Variants in GALNT13 observed in about 807,000 individuals in gnomAD.
The protein encoded by GALNT13 is polypeptide N-acetylgalactosaminyltransferase 13.
GALNT13 carries 28 observed loss-of-function variants against 64.2 expected under a neutral mutation model. That is an observed-to-expected ratio of 0.44 (90% CI 0.32 to 0.60). The LOEUF (loss-of-function observed/expected upper bound fraction) is 0.60, where lower values mean the gene tolerates loss of function less well. GALNT13 is among the 20% of genes least tolerant of loss of function. GALNT13 has a pLI of 0.05. For synonymous variants in GALNT13, 214 were observed against 224.6 expected (o/e 0.95, Z 0.42); for missense variants, 577 against 669.8 (o/e 0.86, Z 1.53).
At chr2:154,061,899 G>A (rs1026115337) in intron 3 of GALNT13, among the ~76,000 whole-genome samples, 2 of 152,130 alleles carry the variant, frequency 1.3e-5, no homozygotes, top group Non-Finnish European at 2.9e-5. Context: ...CTCACTAAGA[G>A]TATATGTGTA....
chr2:154,389,927 G>A (rs910649396), intron 9 of GALNT13, among the ~76,000 whole-genome samples: 3 of 152,160 alleles, frequency 2.0e-5, no homozygotes, highest in African/African-American at 7.2e-5. Context: ...GGGGTCTGGT[G>A]TCTCACTGTC....
the GALNT13 span, among the ~76,000 whole-genome samples, chr2:153,373,865 T>C: frequency 6.6e-6 from 1 of 152,246 alleles, no homozygotes; most frequent in African/African-American, 2.4e-5. Context: ...AGCATTTGTC[T>C]ATTTGTCCTT....
At chr2:153,328,971 G>A in the GALNT13 span, among the ~76,000 whole-genome samples, 4 of 152,140 alleles carry the variant, frequency 2.6e-5, no homozygotes, top group Admixed American at 6.5e-5. Context: ...TCTGCGAGTT[G>A]CAAAGACCGT....
At chr2:154,049,057 G>A (rs1192168175) in intron 3 of GALNT13, among the ~76,000 whole-genome samples, 1 of 152,004 alleles carries the variant, frequency 6.6e-6, no homozygotes, top group Non-Finnish European at 1.5e-5. Flanking sequence ...AAATAAGTAT[G>A]CTTGCATAAA....
intron 1 of GALNT13, among the ~76,000 whole-genome samples, chr2:153,884,853 A>G (rs1218595368): frequency 3.2e-5 from 2 of 62,964 alleles, no homozygotes; most frequent in Admixed American, 2.4e-4. Context: ...GTATATATGT[A>G]TATACACACA....
At chr2:153,630,850 T>C in the GALNT13 span, among the ~76,000 whole-genome samples, 1 of 111,616 alleles carries the variant, frequency 9.0e-6, no homozygotes, top group Admixed American at 1.0e-4. Flanking sequence ...CTAGGGTACA[T>C]GTGCACAACG....
the GALNT13 span, among the ~76,000 whole-genome samples, chr2:153,755,602 C>A: frequency 6.6e-6 from 1 of 152,014 alleles, no homozygotes; most frequent in African/African-American, 2.4e-5. Context: ...ATGTTGTTTT[C>A]TTTCTATAGA....
At chr2:154,394,671 T>G (rs1698974511) in intron 9 of GALNT13, among the ~76,000 whole-genome samples, 1 of 152,250 alleles carries the variant, frequency 6.6e-6, no homozygotes, top group African/African-American at 2.4e-5. Flanking sequence ...AATACTAAAT[T>G]GTTTTGAGCT....
At chr2:153,630,406 A>G in the GALNT13 span, among the ~76,000 whole-genome samples, 2 of 149,464 alleles carry the variant, frequency 1.3e-5, no homozygotes, top group East Asian at 4.1e-4. Flanking sequence ...GGACAAAAAA[A>G]CAAACACCGC....
At chr2:154,265,877 C>G (rs1379496881) in intron 8 of GALNT13, among the ~76,000 whole-genome samples, 1 of 152,032 alleles carries the variant, frequency 6.6e-6, no homozygotes, top group Non-Finnish European at 1.5e-5. Flanking sequence ...ATAAAATTAG[C>G]AAATCAAGTT....
At chr2:154,149,753 C>T (rs1355826363) in intron 4 of GALNT13, among the ~76,000 whole-genome samples, 3 of 152,118 alleles carry the variant, frequency 2.0e-5, no homozygotes, top group Admixed American at 6.6e-5. Flanking sequence ...TATAAGAATG[C>T]TCATGATTTT....
the GALNT13 span, among the ~76,000 whole-genome samples, chr2:153,176,104 G>C: frequency 6.6e-6 from 1 of 152,158 alleles, no homozygotes; most frequent in Non-Finnish European, 1.5e-5. Flanking sequence ...TGAATGTTGT[G>C]AAATATTTCA....
At chr2:153,117,673 T>C in the GALNT13 span, among the ~76,000 whole-genome samples, 1 of 152,206 alleles carries the variant, frequency 6.6e-6, no homozygotes, top group African/African-American at 2.4e-5. Context: ...TACTTACATG[T>C]TGATGTCTCC....
Position 154,426,633 on chromosome 2 carries a change from T to G in GALNT13, c.1396-11959T>G, listed in dbSNP as rs552570025. ...ACTGCAATAGTAAAATATAAGCATC[T>G]GGAGCATGTTTATAAATTAGATTTC... On this transcript the variant is annotated intron_variant, in intron 11 of 12. Transcript: ENST00000392825. 2.0e-5 allele frequency among the ~76,000 whole-genome samples: 3 copies of G among 152,364 alleles called. No individual in the cohort carries two copies. The East Asian group carries it at 5.8e-4, about 29-fold the overall frequency.
the GALNT13 span, chr2:153,593,366 G>A: frequency 2.6e-5 from 4 of 152,112 alleles, no homozygotes; most frequent in African/African-American, 9.7e-5. Flanking sequence ...ATCCTCCTAG[G>A]TACACAACTC....
chr2:153,497,689 C>A, the GALNT13 span, among the ~76,000 whole-genome samples: 82 of 151,870 alleles, frequency 5.4e-4, no homozygotes, highest in African/African-American at 1.9e-3. Context: ...AGGCGCCCAC[C>A]ATCACGCCCG....
chr2:153,433,216 A>G, the GALNT13 span, among the ~76,000 whole-genome samples: 1 of 152,210 alleles, frequency 6.6e-6, no homozygotes. Context: ...GAGAACTTGA[A>G]ACAGGATTCA....
chr2:153,345,183 A>G, the GALNT13 span, among the ~76,000 whole-genome samples: 6 of 152,258 alleles, frequency 3.9e-5, no homozygotes, highest in Non-Finnish European at 8.8e-5. Flanking sequence ...GGTATTTTTT[A>G]TGAGCTTCAT....
chr2:153,241,291 C>T, the GALNT13 span, among the ~76,000 whole-genome samples: 1 of 152,132 alleles, frequency 6.6e-6, no homozygotes, highest in Non-Finnish European at 1.5e-5. Context: ...TGGATCAAAA[C>T]CAACAGGGAC....
Sources: gnomAD v4.1 joint callset for allele counts (sites outside exome capture counted in the v4.1 genomes callset) on GRCh38, gnomAD v4.1.1 for gene constraint, MANE v1.5 for transcripts, NCBI Gene and HGNC (gene_info 2026-07-23, HGNC 2026-07-21) for gene names.